ZNF480: variants seen among roughly 807,000 people sequenced by gnomAD.
ZNF480 encodes zinc finger protein 480.
In ZNF480, 15 loss-of-function variants were observed where a neutral mutation model predicts 14.4. That is an observed-to-expected ratio of 1.04 (90% CI 0.70 to 1.60). The LOEUF is 1.60. Ranked by LOEUF, ZNF480 falls within the 40% of genes most tolerant of loss-of-function variation. ZNF480 has a pLI of 0.00. For missense variants in ZNF480, 593 were observed against 629.7 expected, an observed-to-expected ratio of 0.94 and a Z score of 0.62; for synonymous variants, 218 against 215.5, an observed-to-expected ratio of 1.01 and a Z score of -0.10.
At chr19:52,305,840 G>A (rs547447302) in intron 2 of ZNF480, among the ~76,000 whole-genome samples, 15 of 152,296 alleles carry the variant, frequency 9.8e-5, no homozygotes, top group African/African-American at 3.4e-4. Flanking sequence ...TCCTGAAATC[G>A]GGTTCCCATC....
At chr19:52,312,363 C>T (rs745322454) in intron 2 of ZNF480, among the ~76,000 whole-genome samples, 1 of 151,946 alleles carries the variant, frequency 6.6e-6, no homozygotes, top group African/African-American at 2.4e-5. Flanking sequence ...GGCTTCACCA[C>T]GTTGGTCAGG....
chr19:52,322,325 G>A lies in ZNF480; in HGVS notation c.1075G>A (p.Val359Ile). Residue 359 changes from valine to isoleucine, a missense_variant, in exon 5 of 5, where the codon GTA (valine) becomes ATA (isoleucine). Coordinates refer to ENST00000595962, the MANE Select transcript of ZNF480 (RefSeq NM_144684.4). The stretch of plus-strand genomic sequence containing the variant: ...GGCCTTCTATAGGATTGCGCTCCTT[G>A]TACGACATCAGAAAATTCATACTGG... ...GKAFYRIALLVRHQKIHTGEK... is the reference protein window; with the variant it reads ...GKAFYRIALLIRHQKIHTGEK... 6.2e-7 allele frequency: 1 copy of A among 1,613,202 alleles called. No individual in the cohort carries two copies. Among genetic ancestry groups the A allele is most frequent in the Non-Finnish European group, 8.5e-7 (1 of 1,179,816 alleles).
At chr19:52,319,811 GTTTTTTTTTTTTT>G (rs56151161) in intron 4 of ZNF480, among the ~76,000 whole-genome samples, 1 of 96,900 alleles carries the variant, frequency 1.0e-5, no homozygotes, top group Non-Finnish European at 2.2e-5. Flanking sequence ...CTGATACTGT[GTTTTTTTTTTTTT>G]TTTTTTTTTT....
intron 1 of ZNF480, among the ~76,000 whole-genome samples, chr19:52,299,405 G>A (rs905259947): frequency 5.9e-5 from 9 of 152,198 alleles, no homozygotes; most frequent in African/African-American, 2.2e-4. Flanking sequence ...GATCCCACAG[G>A]TTGGGGGCTC....
chr19:52,322,260 A>G lies in ZNF480; in HGVS notation c.1010A>G (p.Tyr337Cys). The G allele has an allele frequency of 1.2e-6, 2 of 1,614,056 alleles. 1 individual carries two copies. The highest frequency in any genetic ancestry group is 2.2e-5 in the South Asian group (2 of 91,088). Residue 337 changes from tyrosine to cysteine, a missense_variant, in exon 5 of 5, where the codon TAT (tyrosine) becomes TGT (cysteine). Transcript: ENST00000595962. The part of the protein sequence containing the change: ...KSSLANHWRI[Y>C]TGEKPYKCDE... ...TCTCTAGCAAATCATTGGAGAATTT[A>G]TACTGGAGAGAAGCCTTACAAATGT...
At chr19:52,303,214 T>A (rs1982780257) in intron 2 of ZNF480, among the ~76,000 whole-genome samples, 1 of 152,244 alleles carries the variant, frequency 6.6e-6, no homozygotes, top group Non-Finnish European at 1.5e-5. Flanking sequence ...TAAGAAGCTT[T>A]ACTGTTACTA....
chr19:52,310,844 CAAA>C (rs60910720), intron 2 of ZNF480, among the ~76,000 whole-genome samples: 1 of 142,268 alleles, frequency 7.0e-6, no homozygotes. Flanking sequence ...ACTAAAAATA[CAAA>C]AAAAAAAATT....
chr19:52,316,453 C>T (rs2122551632), intron 4 of ZNF480, among the ~76,000 whole-genome samples: 1 of 152,198 alleles, frequency 6.6e-6, no homozygotes, highest in South Asian at 2.1e-4. Context: ...TGGTCTCGAA[C>T]TCCTGACCTT....
chr19:52,317,720 A>T (rs1218854924), intron 4 of ZNF480, among the ~76,000 whole-genome samples: 1 of 152,074 alleles, frequency 6.6e-6, no homozygotes, highest in Non-Finnish European at 1.5e-5. Flanking sequence ...GCCTATACTG[A>T]TCATTTGATT....
chr19:52,309,579 A>C (rs983216412), intron 2 of ZNF480, among the ~76,000 whole-genome samples: 3 of 152,200 alleles, frequency 2.0e-5, no homozygotes. Flanking sequence ...AGAAGGTTGG[A>C]TAGACATTCC....
chr19:52,311,728 C>T (rs1005529249), intron 2 of ZNF480, among the ~76,000 whole-genome samples: 2 of 151,944 alleles, frequency 1.3e-5, no homozygotes, highest in Non-Finnish European at 1.5e-5. Flanking sequence ...AACATTTGAG[C>T]CCCAGGAGTT....
intron 2 of ZNF480, among the ~76,000 whole-genome samples, chr19:52,309,147 A>T (rs1294170498): frequency 2.0e-5 from 3 of 152,192 alleles, no homozygotes; most frequent in African/African-American, 7.2e-5. Context: ...TAAGTTGTGA[A>T]AATTTACTCC....
At chr19:52,314,660 C>T (rs899197920) in intron 3 of ZNF480, among the ~76,000 whole-genome samples, 7 of 151,288 alleles carry the variant, frequency 4.6e-5, no homozygotes, top group Non-Finnish European at 7.4e-5. Flanking sequence ...AAAAATTAGC[C>T]GGGCATGGTG....
At chr19:52,300,252 T>G in intron 1 of ZNF480, 142 bp from the exon 2 acceptor site, 1 of 885,124 alleles carries the variant, frequency 1.1e-6, no homozygotes, top group Non-Finnish European at 1.7e-6. Context: ...TGTAGGAGTT[T>G]CTTGTCTCTG....
chr19:52,298,831 G>T (rs1346171955), intron 1 of ZNF480, among the ~76,000 whole-genome samples: 1 of 151,738 alleles, frequency 6.6e-6, no homozygotes. Context: ...AAAATAAAGG[G>T]GGAAAAAAGC....
chr19:52,315,238 C>T (rs1033211654), intron 3 of ZNF480, among the ~76,000 whole-genome samples: 8 of 152,082 alleles, frequency 5.3e-5, no homozygotes, highest in Non-Finnish European at 4.4e-5. Context: ...CATGAGCCCC[C>T]GCACCCAGCT....
rs1983981483 is a variant in ZNF480 at position 52,324,138 on chromosome 19, T to A, written c.*1280T>A. On this transcript the variant is annotated 3_prime_UTR_variant, in exon 5 of 5. Transcript: ENST00000595962. ...TCTGTGTACAAAAATTAGTTGCATT[T>A]CTATACACCAGTAATGTCCAAGCTA... 6.6e-6 allele frequency: 1 copy of A among 152,116 alleles called. No individual in the cohort carries two copies. The highest frequency in any genetic ancestry group is 1.5e-5 in the Non-Finnish European group (1 of 68,012). 9.4% of individuals were successfully genotyped at this position (152,116 alleles called of 1,614,324 possible).
At chr19:52,314,060 C>A in intron 2 of ZNF480, 93 bp from the exon 3 acceptor site, 4 of 1,342,662 alleles carry the variant, frequency 3.0e-6, no homozygotes, top group Non-Finnish European at 4.0e-6. Context: ...ACATTCTCTT[C>A]AATCCAGTTA....
chr19:52,315,228 CATG>C (rs892037545), intron 3 of ZNF480, among the ~76,000 whole-genome samples: 25 of 151,922 alleles, frequency 1.6e-4, no homozygotes, highest in African/African-American at 6.0e-4. Flanking sequence ...GGATTACAGG[CATG>C]AGCCCCCGCA....
Sources: allele counts gnomAD v4.1 joint callset (sites outside exome capture counted in the v4.1 genomes callset), GRCh38; gene constraint gnomAD v4.1.1; transcripts MANE v1.5; gene names NCBI Gene and HGNC (gene_info 2026-07-23, HGNC 2026-07-21).